CSMD1: variants seen among roughly 807,000 people sequenced by gnomAD.
CSMD1 encodes the protein CUB and Sushi multiple domains 1, also known as CUB and sushi domain-containing protein 1.
In CSMD1, 213 loss-of-function variants were observed where a neutral mutation model predicts 417.5. That is an observed-to-expected ratio of 0.51 (90% confidence interval 0.46 to 0.57). CSMD1 has a LOEUF of 0.57. Among genes scored for constraint, CSMD1 ranks in the 20% least tolerant of loss-of-function variants. The probability of loss-of-function intolerance (pLI) is 0.00; values close to 1 mark genes in which losing one functional copy is unlikely to be tolerated. For missense variants in CSMD1, 6,923 were observed against 4,529.7 expected, an observed-to-expected ratio of 1.53 and a Z score of -15.17; for synonymous variants, 2,862 against 1,736.8, an observed-to-expected ratio of 1.65 and a Z score of -16.11.
At chr8:4,560,680 C>A (rs538047438) in intron 2 of CSMD1, among the ~76,000 whole-genome samples, 13 of 152,334 alleles carry the variant, frequency 8.5e-5, no homozygotes, top group African/African-American at 3.1e-4. Context: ...TAACTCTTTA[C>A]AAGCAAGATT....
At chr8:4,303,420 C>CTTTTTTTTTTTTTTTTTTTTTTTT (rs1563419612) in intron 3 of CSMD1, among the ~76,000 whole-genome samples, 2 of 92,318 alleles carry the variant, frequency 2.2e-5, no homozygotes, top group Non-Finnish European at 2.1e-5. Context: ...GGGCAGGAAG[C>CTTTTTTTTTTTTTTTTTTTTTTTT]TGTTTTTTTT....
At chr8:4,212,654 A>G (rs554070474) in intron 3 of CSMD1, among the ~76,000 whole-genome samples, 1 of 152,112 alleles carries the variant, frequency 6.6e-6, no homozygotes, top group Non-Finnish European at 1.5e-5. Flanking sequence ...TCAGTAAAGT[A>G]CAATTTTTAA....
Position 4,364,684 on chromosome 8 carries a change from GC to G in CSMD1, c.415+55268del, listed in dbSNP as rs1044804643. Among the ~76,000 whole-genome samples the G allele has an allele frequency of 3.3e-5, 2 of 60,518 alleles. 1 individual carries two copies. The highest frequency in any genetic ancestry group is 5.6e-5 in the Non-Finnish European group (2 of 35,826). The allele number at this position is 60,518 out of a possible 152,430, so 39.7% of individuals were successfully genotyped here. A position where few individuals can be genotyped will look rare whatever the true frequency, so the allele number is the denominator to read the frequency against. ...CTAAAAATACAAAAAAATTAGCCGGGCGTAGTGGCGGGCGCCTGTAGTCCCA... is the reference window on the plus strand; with the variant it reads ...CTAAAAATACAAAAAAATTAGCCGGGGTAGTGGCGGGCGCCTGTAGTCCCA... On this transcript the variant is annotated intron_variant, in intron 3 of 69. Transcript: ENST00000635120.
At chr8:2,940,148 TG>T (rs1241493835) in intron 69 of CSMD1, among the ~76,000 whole-genome samples, 1 of 152,212 alleles carries the variant, frequency 6.6e-6, no homozygotes, top group African/African-American at 2.4e-5. Context: ...GAGAAGCCAG[TG>T]TAGAGAGTGC....
intron 23 of CSMD1, among the ~76,000 whole-genome samples, chr8:3,314,975 A>G (rs891265823): frequency 7.2e-5 from 11 of 152,228 alleles, no homozygotes; most frequent in African/African-American, 2.4e-4. Flanking sequence ...GTGAGCTCTG[A>G]AAACATAACT....
intron 3 of CSMD1, among the ~76,000 whole-genome samples, chr8:4,062,016 G>T (rs1250263265): frequency 6.6e-6 from 1 of 152,134 alleles, no homozygotes; most frequent in Non-Finnish European, 1.5e-5. Flanking sequence ...GGTGTAGTGG[G>T]GAGGAGAGCA....
At chr8:2,994,731 A>G (rs1176242783) in intron 54 of CSMD1, among the ~76,000 whole-genome samples, 1 of 152,244 alleles carries the variant, frequency 6.6e-6, no homozygotes, top group Non-Finnish European at 1.5e-5. Flanking sequence ...AAAATTATTT[A>G]TAGACATCTT....
intron 7 of CSMD1, among the ~76,000 whole-genome samples, chr8:3,705,968 TA>T (rs373911676): frequency 2.0e-4 from 31 of 152,338 alleles, no homozygotes; most frequent in Admixed American, 5.2e-4. Context: ...ATCAAGAACG[TA>T]AAGCACTTTC....
rs190457020 is a variant in CSMD1 at position 4,815,594 on chromosome 8, G to A, written c.86-178036C>T. Among the ~76,000 whole-genome samples, 501 of 151,216 alleles carry A rather than the reference G, an allele frequency of 3.3e-3. 8 individuals carry two copies. Among genetic ancestry groups the A allele is most frequent in the African/African-American group, 0.011 (468 of 41,170 alleles). On this transcript the variant is annotated intron_variant, in intron 1 of 69. Coordinates refer to ENST00000635120, the MANE Select transcript of CSMD1 (RefSeq NM_033225.6). ...GCCTGTAATCCCAGCTATTTGGGAG[G>A]CTGAGGCAGGAGAAGCGCTTGAACC...
rs369821710 is a variant in CSMD1 at position 3,082,597 on chromosome 8, G to GT, written c.7474+4499dup. Among the ~76,000 whole-genome samples, 14 of 152,304 alleles carry GT rather than the reference G, an allele frequency of 9.2e-5. No individual in the cohort carries two copies. The East Asian group carries it at 2.7e-3, about 29-fold the overall frequency. On this transcript the variant is annotated intron_variant, in intron 49 of 69. Transcript: ENST00000635120. The stretch of plus-strand genomic sequence containing the variant: ...TCACCTTGGTACCCGCCTGCAGTGC[G>GT]TAACTCAGAGCTAAGTCTGAATTGA...
intron 28 of CSMD1, among the ~76,000 whole-genome samples, chr8:3,222,688 T>C (rs1023507712): frequency 1.3e-5 from 2 of 152,184 alleles, no homozygotes; most frequent in African/African-American, 4.8e-5. Context: ...GAATTTAACA[T>C]TAACAAAACC....
intron 10 of CSMD1, among the ~76,000 whole-genome samples, chr8:3,507,356 A>T (rs1049287681): frequency 5.9e-5 from 9 of 152,356 alleles, no homozygotes; most frequent in African/African-American, 2.2e-4. Flanking sequence ...ATGGCAGCAC[A>T]GTATTACATG....
At chr8:4,458,019 C>A (rs78338715) in intron 2 of CSMD1, among the ~76,000 whole-genome samples, 8,260 of 152,206 alleles carry the variant, frequency 0.054, 585 homozygotes, top group African/African-American at 0.16. Flanking sequence ...TCCCTATATC[C>A]GGTATTCCTC....
chr8:4,909,335 T>A (rs1805508360), intron 1 of CSMD1, among the ~76,000 whole-genome samples: 1 of 152,160 alleles, frequency 6.6e-6, no homozygotes, highest in Non-Finnish European at 1.5e-5. Context: ...TTTTACCTCC[T>A]TGCCTTCTAC....
intron 6 of CSMD1, among the ~76,000 whole-genome samples, chr8:3,731,580 T>C (rs142198093): frequency 7.9e-5 from 12 of 151,922 alleles, no homozygotes; most frequent in Non-Finnish European, 1.2e-4. Context: ...CTAAAATAGG[T>C]TTTTGAAAGT....
intron 3 of CSMD1, among the ~76,000 whole-genome samples, chr8:4,397,616 T>G (rs903851151): frequency 2.1e-5 from 3 of 146,058 alleles, no homozygotes; most frequent in Non-Finnish European, 3.0e-5. Context: ...TTTTATTTGC[T>G]AATGAAACAG....
intron 6 of CSMD1, among the ~76,000 whole-genome samples, chr8:3,729,268 G>C (rs1445547811): frequency 6.6e-6 from 1 of 152,170 alleles, no homozygotes; most frequent in Non-Finnish European, 1.5e-5. Context: ...CTTGCTACAG[G>C]AAGTGTTCAC....
intron 1 of CSMD1, among the ~76,000 whole-genome samples, chr8:4,677,261 T>A (rs117499752): frequency 0.015 from 2,276 of 151,806 alleles, 28 homozygotes; most frequent in Non-Finnish European, 0.019. Context: ...TTCTACTTTG[T>A]TGAAGGAATC....
intron 26 of CSMD1, among the ~76,000 whole-genome samples, chr8:3,261,846 G>C (rs1801083687): frequency 6.6e-6 from 1 of 152,096 alleles, no homozygotes; most frequent in Non-Finnish European, 1.5e-5. Flanking sequence ...GGATTACGAA[G>C]GCATGCGGGC....
Sources: allele counts gnomAD v4.1 joint callset (sites outside exome capture counted in the v4.1 genomes callset), GRCh38; gene constraint gnomAD v4.1.1; transcripts MANE v1.5; gene names NCBI Gene and HGNC (gene_info 2026-07-23, HGNC 2026-07-21).